Variants in ANK2 observed in about 807,000 individuals in gnomAD.
ANK2 encodes the protein ankyrin 2.
In ANK2, 83 loss-of-function variants were observed where a neutral mutation model predicts 360.5. The observed-to-expected ratio is 0.23, with a 90% CI of 0.19 to 0.28. The LOEUF (loss-of-function observed/expected upper bound fraction) is 0.28. ANK2 is among the 10% of genes least tolerant of loss of function. ANK2 has a pLI of 1.00. For missense variants in ANK2, 4,201 were observed against 4,795.7 expected, an observed-to-expected ratio of 0.88 and a Z score of 3.66; for synonymous variants, 1,740 against 1,759.5, an observed-to-expected ratio of 0.99 and a Z score of 0.28.
At chr4:112,745,770 T>G in the ANK2 span, among the ~76,000 whole-genome samples, 94 of 152,244 alleles carry the variant, frequency 6.2e-4, 2 homozygotes, top group South Asian at 0.019. Context: ...TGACCTCCGG[T>G]GATCCACCTG....
chr4:113,332,880 G>A, intron 28 of ANK2, 174 bp from the exon 29 acceptor site: 1 of 793,644 alleles, frequency 1.3e-6, no homozygotes, highest in Non-Finnish European at 2.1e-6. Context: ...GTGCCCCTGA[G>A]GTGGAGTGCT....
chr4:113,291,823 A>T (rs1447557844), intron 20 of ANK2, among the ~76,000 whole-genome samples: 4 of 152,180 alleles, frequency 2.6e-5, no homozygotes, highest in Non-Finnish European at 2.9e-5. Context: ...GAAATTACTT[A>T]ACTTTCTTAT....
chr4:112,846,822 A>G (rs1008469476), intron 1 of ANK2, among the ~76,000 whole-genome samples: 5 of 152,168 alleles, frequency 3.3e-5, no homozygotes, highest in Non-Finnish European at 5.9e-5. Flanking sequence ...GAGGTCATCA[A>G]AGAACTCAGT....
intron 43 of ANK2, among the ~76,000 whole-genome samples, chr4:113,370,091 G>A (rs2096674753): frequency 6.6e-6 from 1 of 152,092 alleles, no homozygotes; most frequent in African/African-American, 2.4e-5. Context: ...CAATATATCT[G>A]GAGGAGCTTT....
intron 2 of ANK2, among the ~76,000 whole-genome samples, chr4:113,176,278 A>G (rs1158623104): frequency 6.6e-6 from 1 of 152,220 alleles, no homozygotes; most frequent in African/African-American, 2.4e-5. Flanking sequence ...TGTGTCTTCT[A>G]CTAGCATTAT....
rs2069065022 is a variant in ANK2, at chr4:113,293,536, A to G, written c.2473A>G (p.Thr825Ala). 6.2e-7 allele frequency: 1 copy of G among 1,610,408 alleles called. No homozygotes were observed. Among genetic ancestry groups the G allele is most frequent in the Non-Finnish European group, 8.5e-7 (1 of 1,177,632 alleles). ...VVTEEVTTTT[T>A]TITEKHKLNV... is the part of the protein sequence containing the mutation. ...GACTGAGGAGGTCACCACCACCACC[A>G]CAGTGAGTATGAGTGACTGACTAGC... Residue 825 changes from threonine to alanine, a missense_variant and splice_region_variant, in exon 22 of 46, where the codon ACA becomes GCA. By Grantham distance (58) the Thr-to-Ala change is moderately conservative. Transcript: ENST00000357077.
At chr4:113,226,596 A>T (rs538088498) in intron 4 of ANK2, among the ~76,000 whole-genome samples, 3 of 152,328 alleles carry the variant, frequency 2.0e-5, no homozygotes, top group African/African-American at 7.2e-5. Context: ...GTAATACAGA[A>T]TTTTGCTAAC....
intron 45 of ANK2, among the ~76,000 whole-genome samples, chr4:113,376,864 A>G (rs2096961725): frequency 7.6e-6 from 1 of 131,118 alleles, no homozygotes; most frequent in Non-Finnish European, 1.5e-5. Flanking sequence ...GCCTAGGCCT[A>G]CACAAGGTCA....
Position 113,357,588 on chromosome 4 carries a change from C to A in ANK2, c.8970C>A (p.Gly2990=). ...TVLSKESNFE[G]QDIKMESQQE... ...TAAGCAAAGAATCTAATTTTGAGGGCCAGGACATAAAAATGGAATCCCAAC... is the reference window on the plus strand; with the variant it reads ...TAAGCAAAGAATCTAATTTTGAGGGACAGGACATAAAAATGGAATCCCAAC... Residue 2990 remains glycine (G), a synonymous_variant, in exon 38 of 46, where the codon GGC becomes GGA. Coordinates refer to ENST00000357077, the MANE Select transcript of ANK2 (RefSeq NM_001148.6). The A allele has an allele frequency of 6.2e-7, 1 of 1,614,056 alleles. No homozygotes were observed. Among genetic ancestry groups the A allele is most frequent in the Non-Finnish European group, 8.5e-7 (1 of 1,179,972 alleles).
intron 1 of ANK2, among the ~76,000 whole-genome samples, chr4:113,116,611 G>T (rs1417907100): frequency 6.6e-6 from 1 of 152,226 alleles, no homozygotes; most frequent in African/African-American, 2.4e-5. Flanking sequence ...CCTTGGAGAA[G>T]GAAAGGGCTG....
At chr4:113,188,364 G>A (rs13435473) in intron 2 of ANK2, among the ~76,000 whole-genome samples, 46,383 of 151,972 alleles carry the variant, frequency 0.31, 7,548 homozygotes, top group African/African-American at 0.41. Flanking sequence ...GCCTCCTTAA[G>A]CATCCACTCT....
At chr4:112,858,006 A>G (rs2066877548) in intron 1 of ANK2, among the ~76,000 whole-genome samples, 1 of 152,184 alleles carries the variant, frequency 6.6e-6, no homozygotes, top group Non-Finnish European at 1.5e-5. Flanking sequence ...ACTTTTCTCC[A>G]CTAAAAGTAA....
At chr4:113,299,361 A>G (rs755092174) in intron 22 of ANK2, among the ~76,000 whole-genome samples, 3 of 152,228 alleles carry the variant, frequency 2.0e-5, no homozygotes, top group African/African-American at 4.8e-5. Context: ...TAACTTTCTA[A>G]TACAGTCTAA....
intron 1 of ANK2, among the ~76,000 whole-genome samples, chr4:113,163,023 T>A (rs931556160): frequency 6.6e-6 from 1 of 152,202 alleles, no homozygotes; most frequent in African/African-American, 2.4e-5. Flanking sequence ...TTTAGATAGA[T>A]ACAGCTAGAT....
chr4:112,745,192 C>A, the ANK2 span, among the ~76,000 whole-genome samples: 1 of 152,072 alleles, frequency 6.6e-6, no homozygotes, highest in African/African-American at 2.4e-5. Context: ...ATACATTCAC[C>A]TATTATATAG....
At position 113,053,747 on chromosome 4, in the gene ANK2, C is replaced by T. The variant is rs562420620; in HGVS notation, c.84+3935C>T. Among the ~76,000 whole-genome samples the T allele has an allele frequency of 2.6e-5, 4 of 152,252 alleles. No individual in the cohort carries two copies. In the East Asian group the frequency reaches 7.7e-4, roughly 29 times the overall value. ...TAGCTGGGACTGCAGGCATGTGCCA[C>T]CACAGCTGGCTATTTTTGTTTTTTT... On this transcript the variant is annotated intron_variant, in intron 1 of 45. Transcript: ENST00000357077.
intron 1 of ANK2, among the ~76,000 whole-genome samples, chr4:113,085,911 A>G (rs671344): frequency 0.42 from 64,441 of 151,978 alleles, 13,866 homozygotes; most frequent in East Asian, 0.56. Flanking sequence ...CAGTTCATTA[A>G]AAGCTCTGCA....
intron 4 of ANK2, among the ~76,000 whole-genome samples, chr4:113,221,467 C>T: frequency 6.6e-6 from 1 of 152,012 alleles, no homozygotes. Flanking sequence ...TGAGACCATC[C>T]TGGCCAACAT....
chr4:112,730,719 A>C, the ANK2 span, among the ~76,000 whole-genome samples: 16 of 151,450 alleles, frequency 1.1e-4, no homozygotes, highest in Admixed American at 2.6e-4. Context: ...CACACACACA[A>C]CAGGATAAAT....
Sources: gnomAD v4.1 joint callset for allele counts (sites outside exome capture counted in the v4.1 genomes callset) on GRCh38, gnomAD v4.1.1 for gene constraint, MANE v1.5 for transcripts, NCBI Gene and HGNC (gene_info 2026-07-23, HGNC 2026-07-21) for gene names.